FBXO46: variants seen among roughly 807,000 people sequenced by gnomAD.
The protein encoded by FBXO46 is F-box protein 46.
In FBXO46, 13 loss-of-function variants were observed where a neutral mutation model predicts 30.7. The observed-to-expected ratio is 0.42, with a 90% CI of 0.28 to 0.67. FBXO46 has a LOEUF of 0.67. FBXO46 is among the 30% of genes least tolerant of loss of function. The pLI, the probability that FBXO46 is intolerant of heterozygous loss-of-function variation, is 0.21. For missense variants in FBXO46, 754 were observed against 871.5 expected, an observed-to-expected ratio of 0.87 and a Z score of 1.70; for synonymous variants, 467 against 385.8, an observed-to-expected ratio of 1.21 and a Z score of -2.47.
intron 1 of FBXO46, among the ~76,000 whole-genome samples, chr19:45,719,454 C>A (rs955156886): frequency 3.3e-5 from 5 of 151,946 alleles, no homozygotes; most frequent in African/African-American, 7.3e-5. Context: ...AAGCAAAAAA[C>A]GACCATCTCT....
intron 1 of FBXO46, chr19:45,715,236 C>T (rs1046248560): frequency 6.6e-6 from 1 of 152,244 alleles, no homozygotes; most frequent in Non-Finnish European, 1.5e-5. Context: ...CCAGACAGCT[C>T]AAAACCAAAA....
At chr19:45,719,417 C>A (rs1268655800) in intron 1 of FBXO46, among the ~76,000 whole-genome samples, 1 of 152,108 alleles carries the variant, frequency 6.6e-6, no homozygotes, top group Non-Finnish European at 1.5e-5. Flanking sequence ...CATACATGAT[C>A]CAAATACTAT....
chr19:45,713,043 C>G lies in FBXO46; in HGVS notation c.453G>C (p.Glu151Asp). Reference protein sequence around the residue: ...TKAPPDPGGREGPPAAEEGPA... With the variant: ...TKAPPDPGGRDGPPAAEEGPA... ...GGCCCTCCTCAGCAGCAGGGGGGCC[C>G]TCCCGGCCCCCTGGGTCAGGAGGAG... The change falls in exon 2 of 2, where the codon GAG (glutamate) becomes GAC (aspartate). Residue 151 changes from glutamate to aspartate, a missense_variant. Physicochemically the swap from Glu to Asp is conservative, Grantham distance 45. Around this residue, in one of 5 missense-constraint regions of FBXO46, gnomAD observed 454 missense variants for 426.5 expected, o/e 1.06. Coordinates refer to ENST00000317683, the MANE Select transcript of FBXO46 (RefSeq NM_001080469.2). This position sits in a 1 kb window ranked among gnomAD's most constrained non-coding sequence, Gnocchi z 4.7. The G allele has an allele frequency of 1.3e-6, 2 of 1,563,236 alleles. No homozygotes were observed. Among genetic ancestry groups the G allele is most frequent in the South Asian group, 1.2e-5 (1 of 85,252 alleles).
At position 45,712,350 on chromosome 19, in the gene FBXO46, C is replaced by T. The variant is rs375566665; in HGVS notation, c.1146G>A (p.Lys382=). 6.9e-6 allele frequency: 11 copies of T among 1,601,942 alleles called. No individual in the cohort carries two copies. The highest frequency in any genetic ancestry group is 1.6e-4 in the Middle Eastern group (1 of 6,084). ...CCTCCTTCACGTTCTTGGTGCCGTC[C>T]TTGCCAAAGAAGATGCACTCATCTA... ...GVVDECIFFG[K]DGTKNVKEET... The change falls in exon 2 of 2, where the codon AAG becomes AAA. Residue 382 remains lysine, a synonymous_variant. Coordinates refer to ENST00000317683, the MANE Select transcript of FBXO46 (RefSeq NM_001080469.2). The surrounding 1 kb of genome is among the most constrained non-coding windows in gnomAD (Gnocchi z 8.8).
At chr19:45,720,259 G>A (rs1968151548) in intron 1 of FBXO46, among the ~76,000 whole-genome samples, 1 of 152,080 alleles carries the variant, frequency 6.6e-6, no homozygotes, top group Non-Finnish European at 1.5e-5. Context: ...AGCCTCCCAA[G>A]TAGCTGGGAC....
In FBXO46 at chr19:45,713,154, C is replaced by T. The variant is rs767016224; in HGVS notation, c.342G>A (p.Arg114=). 1.1e-5 allele frequency: 17 copies of T among 1,613,530 alleles called. No individual in the cohort carries two copies. Among genetic ancestry groups the T allele is most frequent in the Non-Finnish European group, 1.1e-5 (13 of 1,179,758 alleles). Residue 114 remains arginine, a synonymous_variant, in exon 2 of 2, where the codon CGG becomes CGA. Coordinates refer to ENST00000317683, the MANE Select transcript of FBXO46 (RefSeq NM_001080469.2). The surrounding 1 kb of genome is among the most constrained non-coding windows in gnomAD (Gnocchi z 4.7). ...GCCCCTTGACCTTCATGGAGCTGGC[C>T]CGGCTGCCCCCACCACACTGGTGGG... ...FVAHQCGGGS[R]ASSMKVKGHW... is the part of the protein sequence containing the mutation.
Position 45,713,364 on chromosome 19 carries a change from G to A in FBXO46, c.132C>T (p.Ala44=), listed in dbSNP as rs749226167. ...AGTGGGCAGGCCCATGGTCTGGCTC[G>A]GCCCCGCCACCAGGCTCAGGGCAGG... ...PSACPEPGGG[A]EPDHGPAHSE... Residue 44 remains alanine, a synonymous_variant, in exon 2 of 2, where the codon GCC becomes GCT. Transcript: ENST00000317683. This position sits in a 1 kb window ranked among gnomAD's most constrained non-coding sequence, Gnocchi z 4.7. 1.2e-5 allele frequency: 20 copies of A among 1,607,424 alleles called. No individual in the cohort carries two copies. The highest frequency in any genetic ancestry group is 1.7e-4 in the Middle Eastern group (1 of 5,916).
At chr19:45,732,771 A>G (rs148106749), upstream of FBXO46, among the ~76,000 whole-genome samples, 177 of 151,520 alleles carry the variant, frequency 1.2e-3, 3 homozygotes, top group East Asian at 0.03. Context: ...TTGTATTTTT[A>G]GCCGAGACGG....
intron 1 of FBXO46, among the ~76,000 whole-genome samples, chr19:45,724,812 G>A (rs921406983): frequency 6.6e-6 from 1 of 151,790 alleles, no homozygotes; most frequent in Non-Finnish European, 1.5e-5. Context: ...ACGCCACCAC[G>A]CCTGGCTAAT....
chr19:45,723,993 AT>A (rs1005692300), intron 1 of FBXO46, among the ~76,000 whole-genome samples: 80 of 152,198 alleles, frequency 5.3e-4, no homozygotes, highest in African/African-American at 1.8e-3. Flanking sequence ...AAAAAATACA[AT>A]TTTTTTCTTC....
chr19:45,728,478 G>A (rs918596599), intron 1 of FBXO46, among the ~76,000 whole-genome samples: 7 of 152,052 alleles, frequency 4.6e-5, no homozygotes, highest in South Asian at 2.1e-4. Flanking sequence ...TTATCTTCCC[G>A]AAACTTCTCA....
chr19:45,712,230 T>TGGCTCCGGGGGC lies in FBXO46; in HGVS notation c.1254_1265dup (p.Glu421_Pro424dup). The TGGCTCCGGGGGC allele has an allele frequency of 6.2e-7, 1 of 1,603,686 alleles. No homozygotes were observed. The highest frequency in any genetic ancestry group is 8.5e-7 in the Non-Finnish European group (1 of 1,177,340). On this transcript the variant is annotated inframe_insertion, in exon 2 of 2. Coordinates refer to ENST00000317683, the MANE Select transcript of FBXO46 (RefSeq NM_001080469.2). The surrounding 1 kb of genome is among the most constrained non-coding windows in gnomAD (Gnocchi z 8.8). ...CAGTGGCCGGGGAGTCGGCCGGGGG[T>TGGCTCCGGGGGC]GGCTCCGGGGGCCCGTCCGGCCCGC...
At position 45,713,682 on chromosome 19, in the gene FBXO46, T is replaced by C; in HGVS notation, c.-78-109A>G. 1 of 524,706 alleles carries C rather than the reference T, an allele frequency of 1.9e-6. No individual in the cohort carries two copies. The highest frequency in any genetic ancestry group is 3.4e-6 in the Non-Finnish European group (1 of 294,910). 32.5% of individuals were successfully genotyped at this position (524,706 alleles called of 1,614,324 possible). On this transcript the variant is annotated intron_variant, in intron 1 of 1. Transcript: ENST00000317683. This position sits in a 1 kb window ranked among gnomAD's most constrained non-coding sequence, Gnocchi z 4.7. ...CAAACCAGACCATCAAGAACTCTATTCCTGGCTGGGCGCGGTGGCTCACGC... is the reference window on the plus strand; with the variant it reads ...CAAACCAGACCATCAAGAACTCTATCCCTGGCTGGGCGCGGTGGCTCACGC...
Position 45,712,715 on chromosome 19 carries a change from T to C in FBXO46, c.781A>G (p.Ile261Val). The C allele has an allele frequency of 6.2e-7, 1 of 1,612,536 alleles. No homozygotes were observed. Among genetic ancestry groups the C allele is most frequent in the Non-Finnish European group, 8.5e-7 (1 of 1,179,380 alleles). Residue 261 changes from isoleucine (I) to valine (V), a missense_variant, in exon 2 of 2, where the codon ATC becomes GTC. Physicochemically the swap from Ile to Val is conservative, Grantham distance 29. Around this residue, in one of 5 missense-constraint regions of FBXO46, gnomAD observed 454 missense variants for 426.5 expected, o/e 1.06. Coordinates refer to ENST00000317683, the MANE Select transcript of FBXO46 (RefSeq NM_001080469.2). This position sits in a 1 kb window ranked among gnomAD's most constrained non-coding sequence, Gnocchi z 8.8. ...CGGCCGTTGGAGATGCGGAAGGCGA[T>C]GCGCACCTCCCCAGGGCCTGGCCCG... is the stretch of plus-strand genomic sequence containing the variant. ...RPGPGPGEVR[I>V]AFRISNGREP...
At chr19:45,728,536 A>G (rs924839683) in intron 1 of FBXO46, among the ~76,000 whole-genome samples, 7 of 152,186 alleles carry the variant, frequency 4.6e-5, no homozygotes, top group African/African-American at 1.7e-4. Flanking sequence ...AGAACCCAAA[A>G]GAAGAACCCT....
chr19:45,712,222 G>T lies in FBXO46; in HGVS notation c.1274C>A (p.Ala425Asp). The change falls in exon 2 of 2, where the codon GCC becomes GAC. Residue 425 changes from alanine to aspartate, a missense_variant. By Grantham distance (126) the Ala-to-Asp change is moderately radical. Coordinates refer to ENST00000317683, the MANE Select transcript of FBXO46 (RefSeq NM_001080469.2). This position sits in a 1 kb window ranked among gnomAD's most constrained non-coding sequence, Gnocchi z 8.8. ...GCCGGGCGCAGTGGCCGGGGAGTCG[G>T]CCGGGGGTGGCTCCGGGGGCCCGTC... Reference protein sequence around the residue: ...GPDGPPEPPPADSPATAPGPD... With the variant: ...GPDGPPEPPPDDSPATAPGPD... The T allele has an allele frequency of 1.2e-6, 2 of 1,605,178 alleles. No homozygotes were observed. Among genetic ancestry groups the T allele is most frequent in the Middle Eastern group, 1.7e-4 (1 of 6,000 alleles).
At chr19:45,731,774 C>G (rs939888805), upstream of FBXO46, among the ~76,000 whole-genome samples, 77 of 151,996 alleles carry the variant, frequency 5.1e-4, 1 homozygote, top group Non-Finnish European at 1.5e-4. Context: ...TACACCACCG[C>G]CCTCCATGCA....
intron 1 of FBXO46, among the ~76,000 whole-genome samples, chr19:45,720,632 A>G (rs906263415): frequency 6.6e-6 from 1 of 151,652 alleles, no homozygotes; most frequent in African/African-American, 2.4e-5. Context: ...TAATTTTTAC[A>G]TTTTTTTGTA....
At chr19:45,721,856 T>G (rs1449575966) in intron 1 of FBXO46, among the ~76,000 whole-genome samples, 2 of 151,820 alleles carry the variant, frequency 1.3e-5, no homozygotes, top group Non-Finnish European at 2.9e-5. Flanking sequence ...TTTTTTTCTT[T>G]TTTTGAGATG....
Sources: allele counts gnomAD v4.1 joint callset (sites outside exome capture counted in the v4.1 genomes callset), GRCh38; gene constraint gnomAD v4.1.1; regional missense constraint gnomAD v4.1.1; non-coding constraint Gnocchi (gnomAD v3.1); transcripts MANE v1.5; gene names NCBI Gene and HGNC (gene_info 2026-07-23, HGNC 2026-07-21).